PTPRM: variants seen among roughly 807,000 people sequenced by gnomAD.
PTPRM encodes receptor-type tyrosine-protein phosphatase mu.
Under a neutral mutation model 186.7 loss-of-function variants are expected in PTPRM, and 47 were observed. That is an observed-to-expected ratio of 0.25 (90% CI 0.20 to 0.32). PTPRM has a LOEUF of 0.32. Ranked by LOEUF, PTPRM falls within the 10% of genes least tolerant of loss-of-function variation. PTPRM has a pLI of 1.00. For synonymous variants in PTPRM, 668 were observed against 674.9 expected (o/e 0.99, Z 0.16); for missense variants, 1,494 against 1,865.0 (o/e 0.80, Z 3.66).
chr18:8,352,071 C>T (rs2095537347), intron 23 of PTPRM, among the ~76,000 whole-genome samples: 1 of 152,232 alleles, frequency 6.6e-6, no homozygotes, highest in South Asian at 2.1e-4. Flanking sequence ...TAGTGCTGTA[C>T]TTACTGTATC....
At chr18:7,945,565 T>A (rs980753474) in intron 5 of PTPRM, among the ~76,000 whole-genome samples, 1 of 152,150 alleles carries the variant, frequency 6.6e-6, no homozygotes, top group African/African-American at 2.4e-5. Context: ...CTGAAAGAAA[T>A]AAATTTCTTC....
At chr18:7,577,422 G>A (rs1028200961) in intron 1 of PTPRM, among the ~76,000 whole-genome samples, 2 of 152,006 alleles carry the variant, frequency 1.3e-5, no homozygotes, top group African/African-American at 4.8e-5. Context: ...TATATTAAAG[G>A]AACCATGGTA....
chr18:7,755,222 C>T (rs569160776), intron 1 of PTPRM: 1 of 151,154 alleles, frequency 6.6e-6, no homozygotes, highest in Admixed American at 6.6e-5. Flanking sequence ...ACAGACAAAC[C>T]AGAGACTGCC....
chr18:7,865,691 C>T (rs535855058), intron 2 of PTPRM, among the ~76,000 whole-genome samples: 134 of 152,176 alleles, frequency 8.8e-4, no homozygotes, highest in African/African-American at 3.0e-3. Context: ...AGGATGATGC[C>T]GGCCTCATAA....
At chr18:8,147,732 A>G (rs770677450) in intron 14 of PTPRM, among the ~76,000 whole-genome samples, 4 of 152,142 alleles carry the variant, frequency 2.6e-5, no homozygotes, top group African/African-American at 9.7e-5. Flanking sequence ...CCAGTTTTTA[A>G]AGGGAGTGCT....
At chr18:7,833,897 C>T (rs907159888) in intron 2 of PTPRM, among the ~76,000 whole-genome samples, 1 of 152,182 alleles carries the variant, frequency 6.6e-6, no homozygotes, top group African/African-American at 2.4e-5. Flanking sequence ...ATATATCTAT[C>T]ATCTGCAGAA....
rs150123443 is a variant in PTPRM, at chr18:7,930,473, T to C, written c.663+3790T>C. Among the ~76,000 whole-genome samples the C allele has an allele frequency of 3.5e-3, 529 of 152,318 alleles. 3 individuals are homozygous for C. Among genetic ancestry groups the C allele is most frequent in the Non-Finnish European group, 4.7e-3 (323 of 68,016 alleles). On this transcript the variant is annotated intron_variant, in intron 5 of 32. Transcript: ENST00000580170. ...GTATCCCATGGTAGTTTATCTGTTT[T>C]GTAGGAGAGGAGTTGGAAGTTTAGG...
intron 5 of PTPRM, chr18:7,946,943 G>T (rs1371165859): frequency 4.4e-6 from 2 of 456,236 alleles, no homozygotes; most frequent in East Asian, 1.4e-4. Flanking sequence ...TCTTTGGGGA[G>T]CTGACTGCCT....
chr18:7,913,150 C>T (rs773461838), intron 4 of PTPRM, among the ~76,000 whole-genome samples: 1 of 152,276 alleles, frequency 6.6e-6, no homozygotes, highest in East Asian at 1.9e-4. Flanking sequence ...GTTCATTTCT[C>T]GCTTGTAGAA....
intron 7 of PTPRM, among the ~76,000 whole-genome samples, chr18:7,990,781 ACT>A (rs2147622990): frequency 6.6e-6 from 1 of 151,622 alleles, no homozygotes; most frequent in East Asian, 1.9e-4. Flanking sequence ...TCAAGGATAG[ACT>A]CTGTGTTAAT....
Position 8,269,535 on chromosome 18 carries a change from A to C in PTPRM, c.2754+16121A>C, listed in dbSNP as rs2094744474. On this transcript the variant is annotated intron_variant, in intron 19 of 32. Transcript: ENST00000580170. ...GGCATTTTTTAACAAATAGGAAAAA[A>C]AATTCTAAAATTTGTATGGAACTAC... Among the ~76,000 whole-genome samples the C allele has an allele frequency of 2.6e-5, 4 of 152,064 alleles. No homozygotes were observed. The South Asian group carries it at 8.3e-4, about 32-fold the overall frequency.
rs147826033 is a variant in PTPRM, at chr18:8,121,423, A to G, written c.2167+6596A>G. On this transcript the variant is annotated intron_variant, in intron 13 of 32. Transcript: ENST00000580170. ...CATTTTCCAGCTGTATCATGTTAGA[A>G]CTGATGTTTTAATTTTCTATTTTTT... is the stretch of plus-strand genomic sequence containing the variant. 3.7e-3 allele frequency among the ~76,000 whole-genome samples: 559 copies of G among 152,170 alleles called. 1 individual carries two copies. Among genetic ancestry groups the G allele is most frequent in the African/African-American group, 0.013 (520 of 41,518 alleles).
At chr18:8,289,541 T>TATATACATATATATACAC (rs1555845670) in intron 19 of PTPRM, among the ~76,000 whole-genome samples, 2 of 81,230 alleles carry the variant, frequency 2.5e-5, no homozygotes, top group African/African-American at 6.5e-5. Context: ...TATACACATA[T>TATATACATATATATACAC]ATATATATAC....
chr18:8,081,692 GAGA>G (rs903588965), intron 9 of PTPRM, among the ~76,000 whole-genome samples: 5 of 152,112 alleles, frequency 3.3e-5, no homozygotes, highest in Non-Finnish European at 5.9e-5. Context: ...CCCTGCTGCC[GAGA>G]AGCTTTTCTC....
chr18:7,991,825 T>A (rs2083283776), intron 7 of PTPRM, among the ~76,000 whole-genome samples: 1 of 151,998 alleles, frequency 6.6e-6, no homozygotes, highest in African/African-American at 2.4e-5. Context: ...TTATGGGATG[T>A]GAGTAGGAAG....
At position 7,641,796 on chromosome 18, in the gene PTPRM, G is replaced by A. The variant is rs148847995; in HGVS notation, c.73+73905G>A. On this transcript the variant is annotated intron_variant, in intron 1 of 32. Coordinates refer to ENST00000580170, the MANE Select transcript of PTPRM (RefSeq NM_001105244.2). ...TTATTGTATACTTACTTTCGGTCCAGCATTATGCTTTACATACTTAAATTT... is the reference window on the plus strand; with the variant it reads ...TTATTGTATACTTACTTTCGGTCCAACATTATGCTTTACATACTTAAATTT... 1.3e-3 allele frequency among the ~76,000 whole-genome samples: 202 copies of A among 152,330 alleles called. 1 individual carries two copies. The highest frequency in any genetic ancestry group is 4.7e-3 in the African/African-American group (194 of 41,578).
intron 20 of PTPRM, among the ~76,000 whole-genome samples, chr18:8,302,029 G>T (rs1176558156): frequency 6.6e-6 from 1 of 152,228 alleles, no homozygotes; most frequent in Non-Finnish European, 1.5e-5. Flanking sequence ...GGACTCTGGG[G>T]TGACCACAGG....
chr18:7,853,913 C>G (rs1477745093), intron 2 of PTPRM, among the ~76,000 whole-genome samples: 1 of 152,102 alleles, frequency 6.6e-6, no homozygotes, highest in African/African-American at 2.4e-5. Context: ...GTCTGGTTGT[C>G]TTTTCATTCA....
At chr18:8,370,749 C>T in intron 23 of PTPRM, 141 bp from the exon 24 acceptor site, 1 of 531,894 alleles carries the variant, frequency 1.9e-6, no homozygotes. Flanking sequence ...AGGTGATCTA[C>T]AAAAAATAGA....
Sources: allele counts gnomAD v4.1 joint callset (sites outside exome capture counted in the v4.1 genomes callset), GRCh38; gene constraint gnomAD v4.1.1; transcripts MANE v1.5; gene names NCBI Gene and HGNC (gene_info 2026-07-23, HGNC 2026-07-21).